PRKG1: variants seen among roughly 807,000 people sequenced by gnomAD.
PRKG1 encodes protein kinase cGMP-dependent 1, also known as cGMP-dependent protein kinase 1.
In PRKG1, 35 loss-of-function variants were observed where a neutral mutation model predicts 88.1. The observed-to-expected ratio is 0.40, with a 90% CI of 0.30 to 0.53. The LOEUF is 0.53. Among genes scored for constraint, PRKG1 ranks in the 20% least tolerant of loss-of-function variants. The pLI is 0.59. For missense variants in PRKG1, 540 were observed against 839.8 expected (o/e 0.64, Z 4.41); for synonymous variants, 303 against 292.5 (o/e 1.04, Z -0.37).
Position 51,359,298 on chromosome 10 carries a change from A to G in PRKG1, c.479-108425A>G, listed in dbSNP as rs547170978. Among the ~76,000 whole-genome samples the G allele has an allele frequency of 3.9e-5, 6 of 151,986 alleles. No individual in the cohort carries two copies. The South Asian group carries it at 1.0e-3, about 26-fold the overall frequency. On this transcript the variant is annotated intron_variant, in intron 2 of 17. Transcript: ENST00000373980. The stretch of plus-strand genomic sequence containing the variant: ...GGTAGCCTTAGAATTGAAAAGTTTT[A>G]TGGTTAGACCTCTTTAGCCACTTTA...
intron 2 of PRKG1, among the ~76,000 whole-genome samples, chr10:51,346,004 C>T (rs1026160816): frequency 2.0e-5 from 3 of 152,142 alleles, no homozygotes; most frequent in Non-Finnish European, 4.4e-5. Flanking sequence ...TCTTTTTTAA[C>T]ATACCTGGTT....
At chr10:51,260,763 A>T (rs531986470) in intron 2 of PRKG1, among the ~76,000 whole-genome samples, 1 of 152,252 alleles carries the variant, frequency 6.6e-6, no homozygotes, top group African/African-American at 2.4e-5. Context: ...CTGTATAAGT[A>T]CCGACAATTT....
At chr10:51,857,892 G>A (rs1840723291) in intron 4 of PRKG1, among the ~76,000 whole-genome samples, 1 of 150,954 alleles carries the variant, frequency 6.6e-6, no homozygotes, top group Non-Finnish European at 1.5e-5. Context: ...GTGAAAACAT[G>A]CTAAGCAGAA....
chr10:51,407,749 C>T (rs1032019631), intron 2 of PRKG1, among the ~76,000 whole-genome samples: 2 of 152,174 alleles, frequency 1.3e-5, no homozygotes, highest in African/African-American at 4.8e-5. Flanking sequence ...TTCCCATTGA[C>T]CTTAATCACA....
At chr10:52,204,097 AT>A (rs1564514962) in intron 9 of PRKG1, among the ~76,000 whole-genome samples, 2,007 of 61,042 alleles carry the variant, frequency 0.033, 52 homozygotes, top group African/African-American at 0.07. Context: ...TATTATTATT[AT>A]TATTATTATT....
At chr10:51,722,312 T>C (rs1293601379) in intron 3 of PRKG1, among the ~76,000 whole-genome samples, 1 of 152,138 alleles carries the variant, frequency 6.6e-6, no homozygotes, top group East Asian at 1.9e-4. Context: ...ATGTGATTTG[T>C]ATTGTTATAA....
At chr10:51,418,990 A>G (rs74132007) in intron 2 of PRKG1, among the ~76,000 whole-genome samples, 3,699 of 152,296 alleles carry the variant, frequency 0.024, 107 homozygotes, top group Middle Eastern at 0.058. Flanking sequence ...TCAGTATTCA[A>G]ATATGTCTTA....
At chr10:51,146,012 C>T (rs542568140) in intron 1 of PRKG1, among the ~76,000 whole-genome samples, 55 of 151,782 alleles carry the variant, frequency 3.6e-4, no homozygotes, top group African/African-American at 1.3e-3. Flanking sequence ...ACTAAAAATA[C>T]GAAAAAACAA....
At chr10:52,081,190 A>G (rs1016945923) in intron 7 of PRKG1, among the ~76,000 whole-genome samples, 1 of 152,168 alleles carries the variant, frequency 6.6e-6, no homozygotes, top group African/African-American at 2.4e-5. Flanking sequence ...GTTGAATAGA[A>G]ACTTTGGAGT....
At chr10:51,331,291 A>G in intron 2 of PRKG1, among the ~76,000 whole-genome samples, 1 of 152,078 alleles carries the variant, frequency 6.6e-6, no homozygotes, top group Non-Finnish European at 1.5e-5. Flanking sequence ...TCCAGAGCCC[A>G]GAGCTGTTGA....
At chr10:51,345,038 A>T (rs1842082153) in intron 2 of PRKG1, among the ~76,000 whole-genome samples, 1 of 152,152 alleles carries the variant, frequency 6.6e-6, no homozygotes, top group Non-Finnish European at 1.5e-5. Flanking sequence ...CTACCTCTCC[A>T]AGGTGATCTT....
At chr10:51,098,529 C>T (rs10995620) in intron 1 of PRKG1, among the ~76,000 whole-genome samples, 30,453 of 151,900 alleles carry the variant, frequency 0.2, 3,313 homozygotes, top group Admixed American at 0.26. Flanking sequence ...CTGAATATGG[C>T]GGAAGGATGA....
rs571869709 is a variant in PRKG1 at position 51,276,414 on chromosome 10, G to A, written c.478+123084G>A. 7.9e-5 allele frequency among the ~76,000 whole-genome samples: 12 copies of A among 152,226 alleles called. No homozygotes were observed. In the South Asian group the frequency reaches 8.3e-4, roughly 11 times the overall value. Reference sequence around the variant, plus strand: ...AGTCTTTACTATTGTGAATAGTGCCGCAATAAACATACATGTGCATGTGTC... The same window carrying A: ...AGTCTTTACTATTGTGAATAGTGCCACAATAAACATACATGTGCATGTGTC... On this transcript the variant is annotated intron_variant, in intron 2 of 17. Transcript: ENST00000373980.
chr10:51,349,452 G>T (rs1842188046), intron 2 of PRKG1, among the ~76,000 whole-genome samples: 1 of 86,018 alleles, frequency 1.2e-5, no homozygotes, highest in Admixed American at 1.1e-4. Context: ...AGTTCATATT[G>T]TTTGTGTGTG....
chr10:51,761,816 G>T (rs1838029148), intron 3 of PRKG1, among the ~76,000 whole-genome samples: 1 of 152,136 alleles, frequency 6.6e-6, no homozygotes, highest in Middle Eastern at 3.4e-3. Flanking sequence ...AAGATATGTG[G>T]CTTCTGTCTT....
chr10:51,165,731 G>A (rs1197030780), intron 2 of PRKG1, among the ~76,000 whole-genome samples: 4 of 152,102 alleles, frequency 2.6e-5, no homozygotes, highest in Non-Finnish European at 5.9e-5. Context: ...ACAAAAAAAA[G>A]GCAGGGGTTG....
At chr10:51,887,443 T>A (rs1389446204) in intron 4 of PRKG1, among the ~76,000 whole-genome samples, 1 of 151,422 alleles carries the variant, frequency 6.6e-6, no homozygotes, top group Non-Finnish European at 1.5e-5. Flanking sequence ...GAAGTGGGAC[T>A]GCTGTATCAT....
chr10:52,271,619 TAAG>T, intron 11 of PRKG1, 130 bp downstream of exon 11: 2 of 971,356 alleles, frequency 2.1e-6, no homozygotes, highest in South Asian at 6.8e-5. Flanking sequence ...AATCTAATCT[TAAG>T]AAAGTTTTGT....
At chr10:51,308,053 A>T (rs1841084419) in intron 2 of PRKG1, among the ~76,000 whole-genome samples, 1 of 152,232 alleles carries the variant, frequency 6.6e-6, no homozygotes, top group African/African-American at 2.4e-5. Context: ...GAAACAATTA[A>T]CAACTGGGAA....
Sources: gnomAD v4.1 joint callset for allele counts (sites outside exome capture counted in the v4.1 genomes callset) on GRCh38, gnomAD v4.1.1 for gene constraint, MANE v1.5 for transcripts, NCBI Gene and HGNC (gene_info 2026-07-23, HGNC 2026-07-21) for gene names.